The following UST variants were observed in gnomAD, a reference collection of about 807,000 sequenced individuals.
The protein encoded by UST is chondroitin sulfate 2-O-sulfotransferase.
In UST, 21 loss-of-function variants were observed where a neutral mutation model predicts 45.6. The observed-to-expected ratio is 0.46, with a 90% CI of 0.33 to 0.66. The LOEUF (loss-of-function observed/expected upper bound fraction) is 0.66. Among genes scored for constraint, UST ranks in the 30% least tolerant of loss-of-function variants. UST has a pLI of 0.02. For synonymous variants in UST, 215 were observed against 200.6 expected (o/e 1.07, Z -0.61); for missense variants, 463 against 512.4 (o/e 0.90, Z 0.93).
intron 1 of UST, among the ~76,000 whole-genome samples, chr6:148,849,213 G>C (rs1778058630): frequency 1.3e-5 from 2 of 152,154 alleles, no homozygotes; most frequent in Non-Finnish European, 2.9e-5. Flanking sequence ...GCTTCACCAA[G>C]TCATCCAGGC....
chr6:148,857,102 A>G (rs1447127392), intron 1 of UST, among the ~76,000 whole-genome samples: 1 of 151,976 alleles, frequency 6.6e-6, no homozygotes, highest in Admixed American at 6.6e-5. Flanking sequence ...TGGGCTTTTC[A>G]TCATTTTTAT....
chr6:148,835,276 T>C lies in UST; in HGVS notation c.248-51710T>C, dbSNP rs573363881. Among the ~76,000 whole-genome samples the C allele has an allele frequency of 2.8e-3, 421 of 152,322 alleles. 1 individual carries two copies. The highest frequency in any genetic ancestry group is 8.7e-3 in the Admixed American group (133 of 15,302). On this transcript the variant is annotated intron_variant, in intron 1 of 7. Transcript: ENST00000367463. The stretch of plus-strand genomic sequence containing the variant: ...TAAGGTATACTGGAGGATGTATGTA[T>C]GTTATATGCAAATACTATGCCATAT...
chr6:149,030,904 A>G (rs1208820407), intron 7 of UST, among the ~76,000 whole-genome samples: 1 of 152,182 alleles, frequency 6.6e-6, no homozygotes. Flanking sequence ...GGTCTTTAAG[A>G]TAGTGTCTAA....
intron 1 of UST, among the ~76,000 whole-genome samples, chr6:148,862,309 A>G (rs1484879194): frequency 6.6e-6 from 1 of 152,216 alleles, no homozygotes; most frequent in Non-Finnish European, 1.5e-5. Flanking sequence ...ATCAGAGACT[A>G]GGATTGCAAC....
rs528288934 is a variant in UST, at chr6:148,748,730, C to T, written c.247+1053C>T. ...TGGGAGAGCTCCAGCTTCTTGCAAG[C>T]ATCCGAAGTGATAAGCCTGAGCATC... On this transcript the variant is annotated intron_variant, in intron 1 of 7. Transcript: ENST00000367463. The surrounding 1 kb of genome is among the most constrained non-coding windows in gnomAD (Gnocchi z 5.3). Among the ~76,000 whole-genome samples the T allele has an allele frequency of 2.6e-5, 4 of 152,180 alleles. No homozygotes were observed. Among genetic ancestry groups the T allele is most frequent in the African/African-American group, 9.6e-5 (4 of 41,508 alleles).
At chr6:149,071,775 A>C (rs1776821590) in intron 7 of UST, among the ~76,000 whole-genome samples, 1 of 152,214 alleles carries the variant, frequency 6.6e-6, no homozygotes, top group East Asian at 1.9e-4. Context: ...TCAACTCAAC[A>C]ATAAAAACAA....
intron 1 of UST, among the ~76,000 whole-genome samples, chr6:148,867,527 G>T (rs1478686988): frequency 2.0e-5 from 3 of 151,986 alleles, no homozygotes; most frequent in Non-Finnish European, 4.4e-5. Flanking sequence ...CTTGAGATTG[G>T]GTGGGATGGA....
chr6:149,042,848 G>A (rs1181950603), intron 7 of UST, among the ~76,000 whole-genome samples: 2 of 152,014 alleles, frequency 1.3e-5, no homozygotes, highest in Admixed American at 1.3e-4. Flanking sequence ...TCAAACTCCT[G>A]GACTCACGTG....
intron 1 of UST, among the ~76,000 whole-genome samples, chr6:148,763,077 A>G (rs1480537046): frequency 6.6e-6 from 1 of 152,222 alleles, no homozygotes; most frequent in Non-Finnish European, 1.5e-5. Context: ...AGAAATCTCC[A>G]TACTGTTTTC....
At chr6:148,795,227 C>T (rs1001737326) in intron 1 of UST, among the ~76,000 whole-genome samples, 4 of 152,172 alleles carry the variant, frequency 2.6e-5, no homozygotes, top group African/African-American at 9.7e-5. Context: ...GAGGTGTGCA[C>T]TGAATGAGAA....
At chr6:148,942,763 C>T (rs112341179) in intron 3 of UST, among the ~76,000 whole-genome samples, 1,783 of 152,222 alleles carry the variant, frequency 0.012, 27 homozygotes, top group African/African-American at 0.041. Flanking sequence ...GCCAACCATA[C>T]TTGTTCTAAA....
intron 1 of UST, among the ~76,000 whole-genome samples, chr6:148,858,464 C>T (rs141339457): frequency 0.014 from 2,164 of 151,356 alleles, 62 homozygotes; most frequent in African/African-American, 0.05. Flanking sequence ...AACACCCTCA[C>T]AGACATACCC....
At chr6:148,831,254 A>G (rs964525424) in intron 1 of UST, among the ~76,000 whole-genome samples, 3 of 152,290 alleles carry the variant, frequency 2.0e-5, no homozygotes, top group African/African-American at 7.2e-5. Flanking sequence ...CTGCGGTACA[A>G]TTCTCTCATT....
intron 1 of UST, among the ~76,000 whole-genome samples, chr6:148,879,952 C>G (rs201464234): frequency 8.3e-6 from 1 of 119,856 alleles, no homozygotes. Context: ...TTTTTTTTTT[C>G]TTTTTTTTTT....
intron 7 of UST, among the ~76,000 whole-genome samples, chr6:149,045,218 C>T (rs1391478422): frequency 1.3e-5 from 2 of 152,116 alleles, no homozygotes; most frequent in Admixed American, 1.3e-4. Flanking sequence ...GCTCAGAAAC[C>T]CGTGCATTTG....
intron 1 of UST, among the ~76,000 whole-genome samples, chr6:148,761,206 C>T (rs1187425395): frequency 6.6e-6 from 1 of 152,178 alleles, no homozygotes; most frequent in Non-Finnish European, 1.5e-5. Context: ...GGAGCCACGT[C>T]GATGTGGGTT....
At chr6:148,777,609 A>G (rs1467511852) in intron 1 of UST, among the ~76,000 whole-genome samples, 1 of 152,138 alleles carries the variant, frequency 6.6e-6, no homozygotes, top group African/African-American at 2.4e-5. Context: ...CAATGACACA[A>G]TCTCAGCTCA....
chr6:149,010,895 CAAAAAAAAAAAAAA>C (rs1172538648), intron 5 of UST, among the ~76,000 whole-genome samples: 100 of 65,614 alleles, frequency 1.5e-3, no homozygotes, highest in Middle Eastern at 8.8e-3. Context: ...CCGTCTCAAC[CAAAAAAAAAAAAAA>C]AAAAAAAAAA....
At chr6:148,877,702 A>G (rs1261349373) in intron 1 of UST, among the ~76,000 whole-genome samples, 63 of 11,764 alleles carry the variant, frequency 5.4e-3, no homozygotes, top group Non-Finnish European at 7.1e-3. Flanking sequence ...TATGAGTGTG[A>G]GGGGTCGTGT....
Sources: gnomAD v4.1 joint callset for allele counts (sites outside exome capture counted in the v4.1 genomes callset) on GRCh38, gnomAD v4.1.1 for gene constraint, Gnocchi (gnomAD v3.1) non-coding constraint, MANE v1.5 for transcripts, NCBI Gene and HGNC (gene_info 2026-07-23, HGNC 2026-07-21) for gene names.